The following RPS3A variants were observed in gnomAD, a reference collection of about 807,000 sequenced individuals.
RPS3A encodes small ribosomal subunit protein eS1.
In RPS3A, 1 loss-of-function variant was observed where a neutral mutation model predicts 26.4. The observed-to-expected ratio is 0.04, with a 90% CI of 0.01 to 0.18. The LOEUF is 0.18. Among genes scored for constraint, RPS3A ranks in the 10% least tolerant of loss-of-function variants. The pLI is 1.00. For missense variants in RPS3A, 139 were observed against 326.8 expected (o/e 0.43, Z 4.43); for synonymous variants, 97 against 106.1 (o/e 0.91, Z 0.53).
chr4:151,103,732 T>A (rs187043214), intron 4 of RPS3A: 1 of 1,132,614 alleles, frequency 8.8e-7, no homozygotes, highest in Admixed American at 3.1e-5. Context: ...GGAGACCCTG[T>A]CCCAAAAAAT....
At chr4:151,099,942 C>A in intron 1 of RPS3A, 1 of 570,272 alleles carries the variant, frequency 1.8e-6, no homozygotes, top group Non-Finnish European at 3.3e-6. Flanking sequence ...TTTGAGCCGG[C>A]TTGCCGGCGC....
At position 151,104,637 on chromosome 4, in the gene RPS3A, A is replaced by G; in HGVS notation, c.*44A>G. 1.3e-6 allele frequency: 2 copies of G among 1,560,020 alleles called. No individual in the cohort carries two copies. Among genetic ancestry groups the G allele is most frequent in the South Asian group, 1.2e-5 (1 of 83,940 alleles). On this transcript the variant is annotated 3_prime_UTR_variant, in exon 6 of 6. Coordinates refer to ENST00000274065, the MANE Select transcript of RPS3A (RefSeq NM_001006.5). ...TGGCAAATAAAAAGTGCTATTTGTG[A>G]TGGTTTGCTTCTGAACATTCTTTTT...
At chr4:151,102,642 A>AG (rs1747180277) in intron 3 of RPS3A, 1 of 516,032 alleles carries the variant, frequency 1.9e-6, no homozygotes. Flanking sequence ...GGTAGAAAGG[A>AG]GGAGGGAGGG....
At chr4:151,099,976 G>A (rs1488788795) in intron 1 of RPS3A, 1 of 658,510 alleles carries the variant, frequency 1.5e-6, no homozygotes, top group Non-Finnish European at 2.8e-6. Context: ...TGTTAGTTTT[G>A]TGGGCTCACG....
At position 151,102,968 on chromosome 4, in the gene RPS3A, G is replaced by A. The variant is rs775792276; in HGVS notation, c.452G>A (p.Arg151Gln). The A allele has an allele frequency of 3.1e-6, 5 of 1,607,512 alleles. No homozygotes were observed. Among genetic ancestry groups the A allele is most frequent in the African/African-American group, 2.7e-5 (2 of 74,844 alleles). Reference protein sequence around the residue: ...GFTKKRNNQIRKTSYAQHQQV... With the variant: ...GFTKKRNNQIQKTSYAQHQQV... ...ACTAAAAAACGCAACAATCAGATAC[G>A]GAAGACCTCTTATGCTCAGCACCAA... The change falls in exon 4 of 6, where the codon CGG (arginine) becomes CAG (glutamine). Residue 151 changes from arginine (R) to glutamine (Q), a missense_variant. By Grantham distance (43) the Arg-to-Gln change is conservative (BLOSUM62 1). This residue lies in a region of RPS3A where 96 missense variants were observed against 209.8 expected (regional missense o/e 0.46). Transcript: ENST00000274065.
At chr4:151,102,736 A>C in intron 3 of RPS3A, 135 bp from the exon 4 acceptor site, 1 of 1,047,884 alleles carries the variant, frequency 9.5e-7, no homozygotes, top group Non-Finnish European at 1.3e-6. Flanking sequence ...TGTAAACTTA[A>C]AGAGATGTTA....
rs376814787 is a variant in RPS3A, at chr4:151,103,203, A to C, written c.563+124A>C. 41 of 1,421,812 alleles carry C rather than the reference A, an allele frequency of 2.9e-5. No homozygotes were observed. The Middle Eastern group carries it at 9.7e-4, about 33-fold the overall frequency. The allele number at this position is 1,421,812 out of a possible 1,614,324, so 88.1% of individuals were successfully genotyped here. A position where few individuals can be genotyped will look rare whatever the true frequency, so the allele number is the denominator to read the frequency against. ...ATCCTGTCTGTGAATCCTTCTAGCTATATCTCTTTAAGTGAAAGAGTGTTA... is the reference window on the plus strand; with the variant it reads ...ATCCTGTCTGTGAATCCTTCTAGCTCTATCTCTTTAAGTGAAAGAGTGTTA... On this transcript the variant is annotated intron_variant, in intron 4 of 5. Coordinates refer to ENST00000274065, the MANE Select transcript of RPS3A (RefSeq NM_001006.5).
intron 3 of RPS3A, among the ~76,000 whole-genome samples, chr4:151,102,322 T>C (rs370553088): frequency 6.6e-6 from 1 of 151,708 alleles, no homozygotes; most frequent in East Asian, 1.9e-4. Flanking sequence ...TAACTAGGGG[T>C]TTTTAATTAT....
At chr4:151,103,554 G>T in intron 4 of RPS3A, 1 of 1,037,356 alleles carries the variant, frequency 9.6e-7, no homozygotes, top group Non-Finnish European at 1.2e-6. Context: ...GAATGAAGCT[G>T]TCTCACAGTA....
At chr4:151,099,896 C>A in intron 1 of RPS3A, 182 bp downstream of exon 1, 1 of 720,690 alleles carries the variant, frequency 1.4e-6, no homozygotes, top group Non-Finnish European at 2.5e-6. Flanking sequence ...AGGTCGGCTG[C>A]CTTTCCCAGG....
At position 151,103,969 on chromosome 4, in the gene RPS3A, TGCCACTA is replaced by T; in HGVS notation, c.564-205_564-199del. The T allele has an allele frequency of 8.6e-6, 13 of 1,519,666 alleles. No individual in the cohort carries two copies. In the South Asian group the frequency reaches 1.4e-4, roughly 17 times the overall value. The allele number at this position is 1,519,666 out of a possible 1,614,324, so 94.1% of individuals were successfully genotyped here. A position where few individuals can be genotyped will look rare whatever the true frequency, so the allele number is the denominator to read the frequency against. On this transcript the variant is annotated intron_variant, in intron 4 of 5. Coordinates refer to ENST00000274065, the MANE Select transcript of RPS3A (RefSeq NM_001006.5). ...TGGACTCAGAAGACTCTACTAACTT[TGCCACTA>T]GCTAGCTATGTAATTCAGATCATCT...
In RPS3A at chr4:151,099,633, T is replaced by C; in HGVS notation, c.-20T>C. The C allele has an allele frequency of 6.2e-7, 1 of 1,612,860 alleles. No homozygotes were observed. The highest frequency in any genetic ancestry group is 8.5e-7 in the Non-Finnish European group (1 of 1,179,614). On this transcript the variant is annotated 5_prime_UTR_variant, in exon 1 of 6. Coordinates refer to ENST00000274065, the MANE Select transcript of RPS3A (RefSeq NM_001006.5). Reference sequence around the variant, plus strand: ...TCGCGCGACTCCCACTTCCGCCCTTTTGGCTCTCTGACCAGCACCATGGCG... The same window carrying C: ...TCGCGCGACTCCCACTTCCGCCCTTCTGGCTCTCTGACCAGCACCATGGCG...
chr4:151,104,326 A>T, intron 5 of RPS3A, 40 bp downstream of exon 5: 1 of 1,596,464 alleles, frequency 6.3e-7, no homozygotes, highest in South Asian at 1.1e-5. Flanking sequence ...GGCCAAATAC[A>T]TTGTTTTTGG....
intron 4 of RPS3A, 154 bp downstream of exon 4, chr4:151,103,233 C>T: frequency 7.5e-7 from 1 of 1,336,694 alleles, no homozygotes; most frequent in Non-Finnish European, 9.9e-7. Context: ...GTGTTAAGTA[C>T]TCAGTAAATA....
chr4:151,100,002 G>T (rs746987467), intron 1 of RPS3A: 35 of 632,244 alleles, frequency 5.5e-5, no homozygotes, highest in Non-Finnish European at 8.8e-5. Context: ...CCTCAATTCT[G>T]CGAGTGTTTG....
At chr4:151,099,859 C>A in intron 1 of RPS3A, 145 bp downstream of exon 1, 2 of 860,682 alleles carry the variant, frequency 2.3e-6, no homozygotes, top group Non-Finnish European at 3.8e-6. Flanking sequence ...AGGAACGCGG[C>A]CTGGAGGGTC....
Position 151,100,957 on chromosome 4 carries a change from TG to T in RPS3A, c.167-17del. On this transcript the variant is annotated splice_polypyrimidine_tract_variant and intron_variant, in intron 2 of 5. Transcript: ENST00000274065. ...TATGGTTCCTAAATGTTAAGATACT[TG>T]TTTTTTTCTTTTGTAGAAATTGCAT... 1 of 1,555,062 alleles carries T rather than the reference TG, an allele frequency of 6.4e-7. No individual in the cohort carries two copies. The highest frequency in any genetic ancestry group is 8.7e-7 in the Non-Finnish European group (1 of 1,149,118).
At chr4:151,103,556 C>G in intron 4 of RPS3A, 1 of 1,037,570 alleles carries the variant, frequency 9.6e-7, no homozygotes, top group South Asian at 3.2e-5. Flanking sequence ...ATGAAGCTGT[C>G]TCACAGTAGA....
rs534101525 is a variant in RPS3A at position 151,104,398 on chromosome 4, T to C, written c.674-74T>C. ...TTTTCTTCCTGTCATGCTTGCATAG[T>C]AGTGATGACCATTATTTCAAGATAT... On this transcript the variant is annotated intron_variant, in intron 5 of 5. Coordinates refer to ENST00000274065, the MANE Select transcript of RPS3A (RefSeq NM_001006.5). 28 of 1,493,070 alleles carry C rather than the reference T, an allele frequency of 1.9e-5. No individual in the cohort carries two copies. In the East Asian group the frequency reaches 6.6e-4, roughly 35 times the overall value. 92.5% of individuals were successfully genotyped at this position (1,493,070 alleles called of 1,614,324 possible). A position where few individuals can be genotyped will look rare whatever the true frequency, so the allele number is the denominator to read the frequency against.
Sources: allele counts gnomAD v4.1 joint callset (sites outside exome capture counted in the v4.1 genomes callset), GRCh38; gene constraint gnomAD v4.1.1; regional missense constraint gnomAD v4.1.1; transcripts MANE v1.5; gene names NCBI Gene and HGNC (gene_info 2026-07-23, HGNC 2026-07-21).